Variants in COL24A1 observed in about 807,000 individuals in gnomAD.
COL24A1 encodes the protein collagen alpha-1(XXIV) chain.
In COL24A1, 224 loss-of-function variants were observed where a neutral mutation model predicts 253.9. The ratio of observed to expected loss-of-function variants is 0.88; its 90% CI spans 0.79 to 0.99. The LOEUF is 0.99. Among genes scored for constraint, COL24A1 ranks in the 50% least tolerant of loss-of-function variants. The pLI, the probability that COL24A1 is intolerant of heterozygous loss-of-function variation, is 0.00. For missense variants in COL24A1, 2,131 were observed against 2,068.5 expected, an observed-to-expected ratio of 1.03 and a Z score of -0.59; for synonymous variants, 685 against 673.7, an observed-to-expected ratio of 1.02 and a Z score of -0.26.
chr1:86,037,311 A>C (rs924952647), intron 12 of COL24A1, among the ~76,000 whole-genome samples: 2 of 152,182 alleles, frequency 1.3e-5, no homozygotes, highest in Non-Finnish European at 2.9e-5. Flanking sequence ...AACAAATAGC[A>C]TATAGCAAAG....
intron 12 of COL24A1, among the ~76,000 whole-genome samples, chr1:86,037,700 G>T (rs573860010): frequency 6.6e-6 from 1 of 152,110 alleles, no homozygotes; most frequent in Non-Finnish European, 1.5e-5. Flanking sequence ...CTAGATTCCT[G>T]ACCCATGAAA....
chr1:86,013,071 A>C (rs1456097072), intron 19 of COL24A1, among the ~76,000 whole-genome samples: 9 of 152,208 alleles, frequency 5.9e-5, no homozygotes, highest in Non-Finnish European at 1.2e-4. Context: ...TGGTACTATT[A>C]ATATTTCTGT....
intron 14 of COL24A1, among the ~76,000 whole-genome samples, chr1:86,027,714 C>G (rs1698175251): frequency 6.6e-6 from 1 of 152,204 alleles, no homozygotes; most frequent in African/African-American, 2.4e-5. Context: ...AGGCCCCACA[C>G]AGAGTCCCCA....
At chr1:86,098,469 C>T (rs1039342459) in intron 5 of COL24A1, among the ~76,000 whole-genome samples, 1 of 152,060 alleles carries the variant, frequency 6.6e-6, no homozygotes, top group African/African-American at 2.4e-5. Flanking sequence ...CCAAAGAGCT[C>T]AACAGAAGCA....
rs1210996141 is a variant in COL24A1 at position 85,842,137 on chromosome 1, T to C, written c.3517-16A>G. On this transcript the variant is annotated splice_polypyrimidine_tract_variant and intron_variant, in intron 40 of 59. Coordinates refer to ENST00000370571, the MANE Select transcript of COL24A1 (RefSeq NM_152890.7). The stretch of plus-strand genomic sequence containing the variant: ...CCTGATGGCCCTACGAAAGGACAAG[T>C]AGACATTTATACATGCTCTACCTAG... 6.2e-7 allele frequency: 1 copy of C among 1,610,514 alleles called. No homozygotes were observed. Among genetic ancestry groups the C allele is most frequent in the African/African-American group, 1.3e-5 (1 of 74,968 alleles).
intron 43 of COL24A1, among the ~76,000 whole-genome samples, chr1:85,834,475 T>G (rs753435413): frequency 4.6e-5 from 7 of 152,188 alleles, no homozygotes; most frequent in Admixed American, 1.3e-4. Context: ...GTTTGGCACT[T>G]ACTGAGTTTG....
At chr1:85,946,321 C>A (rs1038959565) in intron 24 of COL24A1, among the ~76,000 whole-genome samples, 1 of 152,100 alleles carries the variant, frequency 6.6e-6, no homozygotes, top group Non-Finnish European at 1.5e-5. Flanking sequence ...GGACTTCACA[C>A]CATGTGCCTT....
At chr1:86,097,975 T>C (rs753005309) in intron 5 of COL24A1, among the ~76,000 whole-genome samples, 16 of 152,148 alleles carry the variant, frequency 1.1e-4, no homozygotes, top group Non-Finnish European at 1.0e-4. Context: ...GAGTAGCATG[T>C]ATGGGATGAA....
At chr1:85,789,946 G>T (rs926135652) in intron 47 of COL24A1, among the ~76,000 whole-genome samples, 1 of 152,070 alleles carries the variant, frequency 6.6e-6, no homozygotes, top group Non-Finnish European at 1.5e-5. Context: ...TGCTGGATTT[G>T]GTTTGCCAGG....
chr1:85,916,157 T>A (rs11161710), intron 24 of COL24A1, among the ~76,000 whole-genome samples: 103,029 of 152,022 alleles, frequency 0.68, 35,188 homozygotes, highest in East Asian at 0.79. Flanking sequence ...GTAGACAAAC[T>A]TTCTCAAAGG....
intron 13 of COL24A1, among the ~76,000 whole-genome samples, chr1:86,032,413 T>C (rs890776526): frequency 6.6e-6 from 1 of 152,154 alleles, no homozygotes; most frequent in African/African-American, 2.4e-5. Context: ...ACTGTAAATA[T>C]CACAATGAAA....
chr1:86,062,562 G>A (rs931685584), intron 8 of COL24A1, among the ~76,000 whole-genome samples: 6 of 152,022 alleles, frequency 3.9e-5, no homozygotes, highest in Non-Finnish European at 7.4e-5. Flanking sequence ...GAGTGAACTC[G>A]TCAGTAATGA....
At chr1:85,839,443 G>T (rs1676368681) in intron 42 of COL24A1, among the ~76,000 whole-genome samples, 1 of 151,630 alleles carries the variant, frequency 6.6e-6, no homozygotes. Context: ...TCTACTGTTG[G>T]CTGGGTGTGG....
Position 86,103,107 on chromosome 1 carries a change from T to C in COL24A1, c.1599+9460A>G, listed in dbSNP as rs189253431. On this transcript the variant is annotated intron_variant, in intron 5 of 59. Coordinates refer to ENST00000370571, the MANE Select transcript of COL24A1 (RefSeq NM_152890.7). ...ATTTAGAAAAGTTAGGTCTTCTTGTTGAATTGAACCTTTTACCATTATATA... is the reference window on the plus strand; with the variant it reads ...ATTTAGAAAAGTTAGGTCTTCTTGTCGAATTGAACCTTTTACCATTATATA... Among the ~76,000 whole-genome samples the C allele has an allele frequency of 2.8e-4, 43 of 152,330 alleles. 1 individual carries two copies. The East Asian group carries it at 7.7e-3, about 27-fold the overall frequency.
intron 18 of COL24A1, among the ~76,000 whole-genome samples, chr1:86,020,061 CTTTTTTTTTTT>C (rs10582249): frequency 8.8e-5 from 9 of 102,594 alleles, no homozygotes; most frequent in East Asian, 3.9e-4. Context: ...TTCATTCTTT[CTTTTTTTTTTT>C]TTTTTTTTTT....
At chr1:86,002,165 G>C (rs1173732062) in intron 19 of COL24A1, among the ~76,000 whole-genome samples, 1 of 152,242 alleles carries the variant, frequency 6.6e-6, no homozygotes, top group African/African-American at 2.4e-5. Context: ...CTGATGATCA[G>C]CCAATCACTT....
intron 1 of COL24A1, among the ~76,000 whole-genome samples, chr1:86,147,914 G>C (rs1652132714): frequency 6.6e-6 from 1 of 152,190 alleles, no homozygotes; most frequent in Non-Finnish European, 1.5e-5. Context: ...TCAAACTTTA[G>C]TGTGATCAGA....
chr1:85,804,448 A>G (rs781682399), intron 47 of COL24A1, among the ~76,000 whole-genome samples: 8 of 152,190 alleles, frequency 5.3e-5, no homozygotes, highest in Non-Finnish European at 1.0e-4. Context: ...CCCCAAAAGG[A>G]TAGTACAGGT....
intron 32 of COL24A1, among the ~76,000 whole-genome samples, chr1:85,884,607 A>G (rs943881446): frequency 6.6e-5 from 10 of 152,174 alleles, no homozygotes; most frequent in Non-Finnish European, 1.5e-5. Context: ...CTTCTTCCAC[A>G]TCAAAGGCCA....
Sources: gnomAD v4.1 joint callset for allele counts (sites outside exome capture counted in the v4.1 genomes callset) on GRCh38, gnomAD v4.1.1 for gene constraint, MANE v1.5 for transcripts, NCBI Gene and HGNC (gene_info 2026-07-23, HGNC 2026-07-21) for gene names.